TSHZ2: variants seen among roughly 807,000 people sequenced by gnomAD.
The protein encoded by TSHZ2 is teashirt zinc finger homeobox 2, also known as teashirt homolog 2.
A neutral mutation model predicts 74.4 loss-of-function variants in TSHZ2; 21 were observed. The ratio of observed to expected loss-of-function variants is 0.28; its 90% CI spans 0.20 to 0.41. The LOEUF is 0.41. Among genes scored for constraint, TSHZ2 ranks in the 10% least tolerant of loss-of-function variants. The probability of loss-of-function intolerance (pLI) is 1.00; values close to 1 mark genes in which losing one functional copy is unlikely to be tolerated. For missense variants in TSHZ2, 1,244 were observed against 1,293.5 expected (o/e 0.96, Z 0.59); for synonymous variants, 540 against 515.3 (o/e 1.05, Z -0.65).
chr20:53,051,320 C>T (rs553812664), intron 1 of TSHZ2, among the ~76,000 whole-genome samples: 10 of 152,148 alleles, frequency 6.6e-5, no homozygotes, highest in East Asian at 3.9e-4. Flanking sequence ...GCCTGGGTGA[C>T]GGGAGCAAGA....
At chr20:53,360,764 T>G (rs1981020284) in intron 2 of TSHZ2, among the ~76,000 whole-genome samples, 1 of 152,208 alleles carries the variant, frequency 6.6e-6, no homozygotes, top group South Asian at 2.1e-4. Context: ...GTACAGAGCT[T>G]GTAAACAATA....
At chr20:53,201,592 G>A (rs77195419) in intron 1 of TSHZ2, among the ~76,000 whole-genome samples, 10 of 152,174 alleles carry the variant, frequency 6.6e-5, no homozygotes, top group East Asian at 1.9e-4. Context: ...AGTCCCTTTC[G>A]TCACATAAAC....
At chr20:53,358,305 A>AG (rs1370740168) in intron 2 of TSHZ2, among the ~76,000 whole-genome samples, 2 of 149,478 alleles carry the variant, frequency 1.3e-5, no homozygotes, top group African/African-American at 2.5e-5. Context: ...ACCAGGCAGA[A>AG]AAAAAAAAAA....
intron 1 of TSHZ2, among the ~76,000 whole-genome samples, chr20:53,007,642 C>CGTGT (rs1568716654): frequency 6.7e-6 from 1 of 149,354 alleles, no homozygotes; most frequent in Non-Finnish European, 1.5e-5. Context: ...TGTGTATACT[C>CGTGT]GTGTGTGTAT....
chr20:53,274,128 G>T (rs1432672937), intron 2 of TSHZ2, among the ~76,000 whole-genome samples: 1 of 152,274 alleles, frequency 6.6e-6, no homozygotes, highest in South Asian at 2.1e-4. Context: ...AAATTAGCTG[G>T]GTGTGGTGGC....
rs376425577 is a variant in TSHZ2, at chr20:53,357,524, TAAATA to T, written c.*8+100960_*8+100964del. 2.0e-5 allele frequency among the ~76,000 whole-genome samples: 3 copies of T among 152,118 alleles called. No individual in the cohort carries two copies. The South Asian group carries it at 6.2e-4, about 32-fold the overall frequency. ...TATTTTATTAAAAAAAAAATAAAAT[TAAATA>T]AAATAACCCCCAATTAATTTCTAAG... On this transcript the variant is annotated intron_variant, in intron 2 of 2. Transcript: ENST00000371497.
intron 1 of TSHZ2, among the ~76,000 whole-genome samples, chr20:53,007,600 T>C (rs936177399): frequency 3.3e-5 from 5 of 151,722 alleles, no homozygotes; most frequent in Admixed American, 2.0e-4. Context: ...AAGAAAGAAA[T>C]GTGTGTTTGT....
rs1986393892 is a variant in TSHZ2 at position 53,489,571 on chromosome 20, T to C, written c.*2436T>C. 6.2e-6 allele frequency: 1 copy of C among 161,876 alleles called. No individual in the cohort carries two copies. Among genetic ancestry groups the C allele is most frequent in the Admixed American group, 6.1e-5 (1 of 16,492 alleles). The allele number at this position is 161,876 out of a possible 1,614,324, so 10.0% of individuals were successfully genotyped here. The stretch of plus-strand genomic sequence containing the variant: ...GGGAGGAGATCAATACAATTCCCAA[T>C]TCCATGGAAATTGTTTCCCTTCTAA... On this transcript the variant is annotated 3_prime_UTR_variant, in exon 3 of 3. Coordinates refer to ENST00000371497, the MANE Select transcript of TSHZ2 (RefSeq NM_173485.6).
chr20:53,266,798 G>A (rs1990727702), intron 2 of TSHZ2, among the ~76,000 whole-genome samples: 1 of 115,392 alleles, frequency 8.7e-6, no homozygotes, highest in African/African-American at 3.4e-5. Context: ...TTTTTTTTGA[G>A]ACAGAGCCTC....
At chr20:53,143,864 G>A (rs1187999574) in intron 1 of TSHZ2, among the ~76,000 whole-genome samples, 1 of 152,130 alleles carries the variant, frequency 6.6e-6, no homozygotes, top group African/African-American at 2.4e-5. Context: ...ACGCAGAGCT[G>A]GCTGTATGGG....
chr20:53,293,720 A>AAAG (rs1991324247), intron 2 of TSHZ2, among the ~76,000 whole-genome samples: 1 of 131,050 alleles, frequency 7.6e-6, no homozygotes, highest in African/African-American at 4.0e-5. Context: ...AAAAAAAAAG[A>AAAG]AAAGAAACAG....
chr20:53,095,434 T>C (rs963761495), intron 1 of TSHZ2, among the ~76,000 whole-genome samples: 1 of 152,184 alleles, frequency 6.6e-6, no homozygotes, highest in Non-Finnish European at 1.5e-5. Flanking sequence ...CAGCTGGAGC[T>C]GGGGATGGAG....
intron 2 of TSHZ2, among the ~76,000 whole-genome samples, chr20:53,330,927 T>C (rs1979699290): frequency 6.6e-6 from 1 of 152,188 alleles, no homozygotes; most frequent in South Asian, 2.1e-4. Context: ...TTGCGTGGGA[T>C]GAAGTTCTCA....
intron 2 of TSHZ2, among the ~76,000 whole-genome samples, chr20:53,401,823 CCGAGGCTGG>C (rs1982675918): frequency 7.4e-6 from 1 of 136,008 alleles, no homozygotes; most frequent in Non-Finnish European, 1.5e-5. Context: ...TGCTCTGTTG[CCGAGGCTGG>C]AGTGCAGTGG....
intron 1 of TSHZ2, among the ~76,000 whole-genome samples, chr20:53,015,749 G>A (rs935064029): frequency 1.3e-5 from 2 of 152,140 alleles, no homozygotes; most frequent in South Asian, 4.1e-4. Context: ...ATTCTCTAGT[G>A]AAATGATGCC....
intron 1 of TSHZ2, among the ~76,000 whole-genome samples, chr20:53,223,629 G>A (rs190787414): frequency 1.0e-3 from 159 of 152,170 alleles, no homozygotes; most frequent in African/African-American, 3.5e-3. Context: ...CTCCTGAGCC[G>A]AAGTGATCCT....
chr20:53,258,317 A>G (rs1167497565), intron 2 of TSHZ2, among the ~76,000 whole-genome samples: 1 of 152,186 alleles, frequency 6.6e-6, no homozygotes, highest in Non-Finnish European at 1.5e-5. Context: ...GCTGCATAAC[A>G]TTTTAAATCT....
intron 1 of TSHZ2, among the ~76,000 whole-genome samples, chr20:53,117,979 A>T (rs1427438458): frequency 6.6e-6 from 1 of 152,236 alleles, no homozygotes; most frequent in Non-Finnish European, 1.5e-5. Flanking sequence ...GTTGCATTAC[A>T]GTTGGGCCAC....
At chr20:53,457,175 T>G (rs1985126409) in intron 2 of TSHZ2, among the ~76,000 whole-genome samples, 1 of 142,394 alleles carries the variant, frequency 7.0e-6, no homozygotes, top group African/African-American at 2.7e-5. Flanking sequence ...CGATATTGAT[T>G]CTTCCTACCC....
Sources: allele counts gnomAD v4.1 joint callset (sites outside exome capture counted in the v4.1 genomes callset), GRCh38; gene constraint gnomAD v4.1.1; transcripts MANE v1.5; gene names NCBI Gene and HGNC (gene_info 2026-07-23, HGNC 2026-07-21).